Variants in RFC2 observed in about 807,000 individuals in gnomAD.
RFC2 encodes the protein replication factor C subunit 2.
In RFC2, 34 loss-of-function variants were observed where a neutral mutation model predicts 44.8. The ratio of observed to expected loss-of-function variants is 0.76; its 90% CI spans 0.58 to 1.01. The LOEUF (loss-of-function observed/expected upper bound fraction) is 1.01, where lower values mean the gene tolerates loss of function less well. RFC2 is among the 50% of genes least tolerant of loss of function. The pLI is 0.00. For synonymous variants in RFC2, 177 were observed against 168.9 expected (o/e 1.05, Z -0.37); for missense variants, 400 against 453.6 (o/e 0.88, Z 1.07).
rs375938406 is a variant in RFC2 at position 74,232,325 on chromosome 7, T to G, written c.955-109A>C. On this transcript the variant is annotated intron_variant, in intron 10 of 10. Coordinates refer to ENST00000055077, the MANE Select transcript of RFC2 (RefSeq NM_181471.3). ...AACAGAAACAAACTGAACTAATGGT[T>G]TTTTCAAAATCAGCATGAGGAATTC... is the stretch of plus-strand genomic sequence containing the variant. The G allele has an allele frequency of 8.1e-5, 53 of 651,024 alleles. No homozygotes were observed. The East Asian group carries it at 9.7e-4, about 12-fold the overall frequency. The allele number at this position is 651,024 out of a possible 1,614,324, so 40.3% of individuals were successfully genotyped here. A position where few individuals can be genotyped will look rare whatever the true frequency, so the allele number is the denominator to read the frequency against.
chr7:74,243,405 C>T (rs1803443232), intron 5 of RFC2, among the ~76,000 whole-genome samples, 159 bp from the exon 6 acceptor site: 1 of 151,994 alleles, frequency 6.6e-6, no homozygotes, highest in African/African-American at 2.4e-5. Context: ...CACCTGCAGG[C>T]CGCTCTCTCA....
intron 5 of RFC2, among the ~76,000 whole-genome samples, chr7:74,245,971 C>T (rs868964260): frequency 1.2e-4 from 18 of 151,048 alleles, no homozygotes; most frequent in African/African-American, 3.6e-4. Flanking sequence ...CTGAGGCGGG[C>T]GGATCACGAG....
chr7:74,233,447 T>G (rs940270500), intron 10 of RFC2, among the ~76,000 whole-genome samples: 2 of 152,148 alleles, frequency 1.3e-5, no homozygotes, highest in African/African-American at 4.8e-5. Flanking sequence ...AATGGGTATA[T>G]ATGAACAGAT....
In RFC2 at chr7:74,238,088, C is replaced by T. The variant is rs1377623552; in HGVS notation, c.760-646G>A. Among the ~76,000 whole-genome samples, 1 of 152,028 alleles carries T rather than the reference C, an allele frequency of 6.6e-6. No individual in the cohort carries two copies. Among genetic ancestry groups the T allele is most frequent in the Non-Finnish European group, 1.5e-5 (1 of 68,012 alleles). On this transcript the variant is annotated intron_variant, in intron 8 of 10. Coordinates refer to ENST00000055077, the MANE Select transcript of RFC2 (RefSeq NM_181471.3). The surrounding 1 kb of genome is among the most constrained non-coding windows in gnomAD (Gnocchi z 4.0). ...CCGGTGGAAGCCATGGTTTCCTGAGCCCTCAGTGACCCTCCAAGACAAAAC... is the reference window on the plus strand; with the variant it reads ...CCGGTGGAAGCCATGGTTTCCTGAGTCCTCAGTGACCCTCCAAGACAAAAC...
Position 74,252,430 on chromosome 7 carries a change from T to C in RFC2, c.182A>G (p.Glu61Gly). The change falls in exon 2 of 11, where the codon GAG (glutamate) becomes GGG (glycine). Residue 61 changes from glutamate to glycine, a missense_variant and splice_region_variant. By Grantham distance (98) the Glu-to-Gly change is moderately conservative. Transcript: ENST00000055077. ...VGNEDTVSRL[E>G]VFAREGNVPN... ...TCAAAAAAAAAAAAAGCCACTCACC[T>C]CTAGCCTGCTCACGGTGTCTTCATT... 1 of 1,563,202 alleles carries C rather than the reference T, an allele frequency of 6.4e-7. No individual in the cohort carries two copies. Among genetic ancestry groups the C allele is most frequent in the Non-Finnish European group, 8.8e-7 (1 of 1,136,174 alleles).
In RFC2 at chr7:74,254,336, C is replaced by T; in HGVS notation, c.48G>A (p.Gln16=). Residue 16 remains glutamine (Q), a synonymous_variant, in exon 1 of 11, where the codon CAG becomes CAA. Coordinates refer to ENST00000055077, the MANE Select transcript of RFC2 (RefSeq NM_181471.3). ...TGAAGGCAGGGGCAGGGTCAGAGTC[C>T]TGGGCCTCCACCTCGCCCGCGCCAC... is the stretch of plus-strand genomic sequence containing the variant. ...VCGGAGEVEA[Q]DSDPAPAFSK... is the part of the protein sequence containing the mutation. 1.2e-6 allele frequency: 2 copies of T among 1,611,570 alleles called. No individual in the cohort carries two copies. Among genetic ancestry groups the T allele is most frequent in the Middle Eastern group, 1.7e-4 (1 of 6,048 alleles).
chr7:74,237,459 G>C lies in RFC2; in HGVS notation c.760-17C>G. On this transcript the variant is annotated splice_polypyrimidine_tract_variant and intron_variant, in intron 8 of 10. Coordinates refer to ENST00000055077, the MANE Select transcript of RFC2 (RefSeq NM_181471.3). ...GTCACAGACCTGGCCAAAGGGAAAG[G>C]AAAGGCGGTCAGGGGCTAGAAGGGA... is the stretch of plus-strand genomic sequence containing the variant. The C allele has an allele frequency of 6.5e-7, 1 of 1,546,944 alleles. No individual in the cohort carries two copies. Among genetic ancestry groups the C allele is most frequent in the Admixed American group, 1.9e-5 (1 of 53,924 alleles).
At chr7:74,236,659 C>T (rs1803030838) in intron 9 of RFC2, among the ~76,000 whole-genome samples, 1 of 152,210 alleles carries the variant, frequency 6.6e-6, no homozygotes, top group Non-Finnish European at 1.5e-5. Context: ...GACACTTCCC[C>T]TTAACTGGAG....
chr7:74,248,949 G>C, intron 4 of RFC2, 63 bp downstream of exon 4: 3 of 1,152,472 alleles, frequency 2.6e-6, no homozygotes, highest in Non-Finnish European at 3.9e-6. Flanking sequence ...GAGAAAGGTT[G>C]TTTCTGTAAC....
At chr7:74,250,309 T>TA (rs1786854181) in intron 2 of RFC2, among the ~76,000 whole-genome samples, 1 of 152,082 alleles carries the variant, frequency 6.6e-6, no homozygotes, top group Non-Finnish European at 1.5e-5. Context: ...TTTATTCTTT[T>TA]AGAGATGCAC....
intron 6 of RFC2, among the ~76,000 whole-genome samples, chr7:74,241,768 T>C (rs1803342057): frequency 6.6e-6 from 1 of 152,190 alleles, no homozygotes; most frequent in Admixed American, 6.5e-5. Context: ...TAGACCAGCC[T>C]GGGCAACATG....
chr7:74,244,721 A>C (rs1803504906), intron 5 of RFC2, among the ~76,000 whole-genome samples: 3 of 151,342 alleles, frequency 2.0e-5, no homozygotes, highest in African/African-American at 7.3e-5. Context: ...CAATCCTAGC[A>C]CTTTGGGAGG....
chr7:74,252,455 T>G lies in RFC2; in HGVS notation c.157A>C (p.Asn53His). ...RPVKLNEIVGNEDTVSRLEVF... is the reference protein window; with the variant it reads ...RPVKLNEIVGHEDTVSRLEVF... ...TCTAGCCTGCTCACGGTGTCTTCAT[T>G]CCCGACAATTTCATTCAGCTTTACT... Residue 53 changes from asparagine (N) to histidine (H), a missense_variant, in exon 2 of 11, where the codon AAT becomes CAT. Coordinates refer to ENST00000055077, the MANE Select transcript of RFC2 (RefSeq NM_181471.3). The G allele has an allele frequency of 1.2e-6, 2 of 1,608,078 alleles. No homozygotes were observed. Among genetic ancestry groups the G allele is most frequent in the Non-Finnish European group, 1.7e-6 (2 of 1,175,162 alleles).
At position 74,249,750 on chromosome 7, in the gene RFC2, T is replaced by C. The variant is rs1786797141; in HGVS notation, c.214A>G (p.Ile72Val). Reference sequence around the variant, plus strand: ...GGCTGGGTACTCACCGCAATGATGATGTTGGGCACATTTCCTTCCCTTGCA... The same window carrying C: ...GGCTGGGTACTCACCGCAATGATGACGTTGGGCACATTTCCTTCCCTTGCA... ...VFAREGNVPN[I>V]IIAGPPGTGK... Residue 72 changes from isoleucine (I) to valine (V), a missense_variant, in exon 3 of 11, where the codon ATC becomes GTC. Ile to Val is a conservative substitution (Grantham distance 29, BLOSUM62 3). Transcript: ENST00000055077. 2.5e-6 allele frequency: 4 copies of C among 1,613,722 alleles called. No individual in the cohort carries two copies. The highest frequency in any genetic ancestry group is 2.2e-5 in the East Asian group (1 of 44,870).
intron 10 of RFC2, among the ~76,000 whole-genome samples, chr7:74,233,576 T>TTTG (rs1261741506): frequency 6.6e-6 from 1 of 151,572 alleles, no homozygotes; most frequent in African/African-American, 2.4e-5. Context: ...ATTAGGTTAT[T>TTTG]TTGTTGTTGT....
intron 7 of RFC2, 125 bp from the exon 8 acceptor site, chr7:74,239,113 T>C: frequency 6.8e-6 from 4 of 589,332 alleles, no homozygotes; most frequent in East Asian, 4.0e-5. Flanking sequence ...TTCTCCCACC[T>C]CCGCCTCCCA....
intron 4 of RFC2, among the ~76,000 whole-genome samples, chr7:74,247,734 G>T (rs1803702742): frequency 6.6e-6 from 1 of 152,272 alleles, no homozygotes; most frequent in South Asian, 2.1e-4. Flanking sequence ...TGGTGAAATT[G>T]ATCAATAAGC....
At chr7:74,244,493 C>T (rs981578383) in intron 5 of RFC2, among the ~76,000 whole-genome samples, 6 of 151,378 alleles carry the variant, frequency 4.0e-5, no homozygotes, top group African/African-American at 7.3e-5. Flanking sequence ...CCTGGGATTA[C>T]AAGCACCATT....
intron 6 of RFC2, among the ~76,000 whole-genome samples, chr7:74,242,232 G>A (rs988337373): frequency 3.9e-5 from 6 of 152,174 alleles, no homozygotes; most frequent in Non-Finnish European, 8.8e-5. Flanking sequence ...GACTGTGATC[G>A]TGACACCGTG....
Sources: gnomAD v4.1 joint callset for allele counts (sites outside exome capture counted in the v4.1 genomes callset) on GRCh38, gnomAD v4.1.1 for gene constraint, Gnocchi (gnomAD v3.1) non-coding constraint, MANE v1.5 for transcripts, NCBI Gene and HGNC (gene_info 2026-07-23, HGNC 2026-07-21) for gene names.